The following KMT2C variants were observed in gnomAD, a reference collection of about 807,000 sequenced individuals.
The protein encoded by KMT2C is histone-lysine N-methyltransferase 2C.
KMT2C carries 88 observed loss-of-function variants against 507.9 expected under a neutral mutation model. The ratio of observed to expected loss-of-function variants is 0.17; its 90% CI spans 0.15 to 0.21. The LOEUF (loss-of-function observed/expected upper bound fraction) is 0.21. Ranked by LOEUF, KMT2C falls within the 10% of genes least tolerant of loss-of-function variation. KMT2C has a pLI of 1.00. For synonymous variants in KMT2C, 2,049 were observed against 2,080.8 expected, an observed-to-expected ratio of 0.98 and a Z score of 0.42; for missense variants, 4,954 against 5,957.8, an observed-to-expected ratio of 0.83 and a Z score of 5.55.
chr7:152,243,212 A>G (rs1430370221), intron 14 of KMT2C, among the ~76,000 whole-genome samples: 2 of 152,208 alleles, frequency 1.3e-5, no homozygotes, highest in Non-Finnish European at 1.5e-5. Flanking sequence ...CAATAATTTC[A>G]CAATACAAAT....
chr7:152,367,278 C>A, intron 1 of KMT2C: 1 of 1,260,088 alleles, frequency 7.9e-7, no homozygotes. Context: ...TTCAAAGCAG[C>A]TGCCAACTAT....
At chr7:152,151,753 A>G (rs2091643100) in intron 49 of KMT2C, among the ~76,000 whole-genome samples, 172 bp from the exon 50 acceptor site, 1 of 152,206 alleles carries the variant, frequency 6.6e-6, no homozygotes, top group Non-Finnish European at 1.5e-5. Context: ...ATTATCTGAC[A>G]CTAGGGCAAA....
intron 52 of KMT2C, among the ~76,000 whole-genome samples, chr7:152,147,551 A>T (rs1457934209): frequency 6.6e-6 from 1 of 151,914 alleles, no homozygotes; most frequent in East Asian, 1.9e-4. Flanking sequence ...TACTAAAAAT[A>T]TAAAAATTAG....
intron 18 of KMT2C, among the ~76,000 whole-genome samples, chr7:152,227,689 A>T (rs2094974961): frequency 6.6e-6 from 1 of 152,242 alleles, no homozygotes; most frequent in Non-Finnish European, 1.5e-5. Context: ...ACTCAAAATG[A>T]AGAAGCAATA....
At chr7:152,354,067 T>C (rs1320237577) in intron 2 of KMT2C, among the ~76,000 whole-genome samples, 1 of 152,168 alleles carries the variant, frequency 6.6e-6, no homozygotes. Flanking sequence ...AAGTGGACAA[T>C]GGACTTTCCA....
intron 46 of KMT2C, among the ~76,000 whole-genome samples, chr7:152,155,649 AATTAG>A (rs1172815912): frequency 2.0e-5 from 3 of 152,210 alleles, no homozygotes; most frequent in African/African-American, 7.2e-5. Flanking sequence ...TAGATTATTT[AATTAG>A]ATTAAATAAT....
At chr7:152,231,483 T>G (rs200217547) in intron 16 of KMT2C, among the ~76,000 whole-genome samples, 3,188 of 73,534 alleles carry the variant, frequency 0.043, no homozygotes, top group Middle Eastern at 0.054. Context: ...GAGGAACAAC[T>G]GAAAGAAGAT....
intron 11 of KMT2C, 76 bp from the exon 12 acceptor site, chr7:152,251,042 TGTATGAGTAAG>T (rs2095554960): frequency 1.2e-5 from 10 of 821,836 alleles, no homozygotes; most frequent in Admixed American, 2.1e-5. Flanking sequence ...ATTATGATTT[TGTATGAGTAAG>T]GGCAAATCAT....
At chr7:152,330,522 T>G in intron 3 of KMT2C, 79 bp downstream of exon 3, 1 of 1,379,844 alleles carries the variant, frequency 7.2e-7, no homozygotes, top group Non-Finnish European at 1.0e-6. Context: ...AAACTCATAC[T>G]CCTTGAATTT....
At chr7:152,368,626 T>G in intron 1 of KMT2C, 1 of 1,463,244 alleles carries the variant, frequency 6.8e-7, no homozygotes, top group African/African-American at 1.4e-5. Flanking sequence ...TTCGAGAACC[T>G]TGGAAAAGAA....
At chr7:152,225,739 T>C (rs1248610211) in intron 18 of KMT2C, among the ~76,000 whole-genome samples, 2 of 152,144 alleles carry the variant, frequency 1.3e-5, no homozygotes, top group African/African-American at 4.8e-5. Flanking sequence ...CACTGGCACA[T>C]ATCAGAGCAG....
chr7:152,348,143 GAAGA>G (rs766394875), intron 2 of KMT2C, among the ~76,000 whole-genome samples: 13 of 152,282 alleles, frequency 8.5e-5, no homozygotes, highest in African/African-American at 2.2e-4. Flanking sequence ...GCTTACACAA[GAAGA>G]AATAATCTGA....
chr7:152,187,939 T>C, intron 31 of KMT2C, 92 bp from the exon 32 acceptor site: 1 of 1,190,982 alleles, frequency 8.4e-7, no homozygotes, highest in Non-Finnish European at 1.2e-6. Flanking sequence ...GGTTTTTAAC[T>C]GCATGGGTCC....
intron 1 of KMT2C, among the ~76,000 whole-genome samples, chr7:152,380,240 CA>C (rs1158974053): frequency 1.2e-3 from 71 of 57,050 alleles, no homozygotes; most frequent in African/African-American, 3.0e-3. Flanking sequence ...ACTCCATCTC[CA>C]AAAAAAAAAA....
intron 9 of KMT2C, among the ~76,000 whole-genome samples, chr7:152,258,007 C>T (rs1478200259): frequency 1.3e-5 from 2 of 152,292 alleles, no homozygotes; most frequent in African/African-American, 4.8e-5. Flanking sequence ...TAAGTGTATA[C>T]ACACGCATGT....
chr7:152,307,210 G>A (rs191477609), intron 6 of KMT2C, among the ~76,000 whole-genome samples: 1,215 of 119,594 alleles, frequency 0.01, 20 homozygotes, highest in Non-Finnish European at 0.015. Context: ...AGGAAGGAAG[G>A]AAGGAAGGAA....
chr7:152,415,180 A>G (rs917272990), intron 1 of KMT2C, among the ~76,000 whole-genome samples: 1 of 152,176 alleles, frequency 6.6e-6, no homozygotes, highest in African/African-American at 2.4e-5. Context: ...TACTAGTCCT[A>G]GATTATTATG....
intron 9 of KMT2C, among the ~76,000 whole-genome samples, chr7:152,255,229 T>C (rs2095641723): frequency 6.7e-6 from 1 of 148,536 alleles, no homozygotes; most frequent in South Asian, 2.1e-4. Context: ...TACAGTAGCA[T>C]GATCATGGCT....
Position 152,134,992 on chromosome 7 carries a change from C to A in KMT2C, c.*1840G>T. On this transcript the variant is annotated 3_prime_UTR_variant, in exon 59 of 59. Transcript: ENST00000262189. ...AATCTGTGTCCACAAATTCCAAAAC[C>A]CATAACACTCTGTATACTTCAAAAA... 4.4e-6 allele frequency: 1 copy of A among 226,980 alleles called. No individual in the cohort carries two copies. Among genetic ancestry groups the A allele is most frequent in the Non-Finnish European group, 8.8e-6 (1 of 113,936 alleles). The allele number at this position is 226,980 out of a possible 1,614,324, so 14.1% of individuals were successfully genotyped here.
Sources: gnomAD v4.1 joint callset for allele counts (sites outside exome capture counted in the v4.1 genomes callset) on GRCh38, gnomAD v4.1.1 for gene constraint, MANE v1.5 for transcripts, NCBI Gene and HGNC (gene_info 2026-07-23, HGNC 2026-07-21) for gene names.